Variants in KLHL3 observed in about 807,000 individuals in gnomAD.
KLHL3 encodes kelch-like protein 3.
A neutral mutation model predicts 70.5 loss-of-function variants in KLHL3; 19 were observed. That is an observed-to-expected ratio of 0.27 (90% CI 0.19 to 0.40). The LOEUF (loss-of-function observed/expected upper bound fraction) is 0.40, where lower values mean the gene tolerates loss of function less well. KLHL3 is among the 10% of genes least tolerant of loss of function. The probability of loss-of-function intolerance (pLI) is 1.00; values close to 1 mark genes in which losing one functional copy is unlikely to be tolerated. For missense variants in KLHL3, 512 were observed against 771.1 expected, an observed-to-expected ratio of 0.66 and a Z score of 3.98; for synonymous variants, 258 against 290.3, an observed-to-expected ratio of 0.89 and a Z score of 1.13.
intron 5 of KLHL3, among the ~76,000 whole-genome samples, chr5:137,678,202 A>G (rs929101886): frequency 1.3e-5 from 2 of 152,196 alleles, no homozygotes; most frequent in Non-Finnish European, 2.9e-5. Flanking sequence ...AGGAGGCCCA[A>G]CTAAGCATTC....
At chr5:137,660,518 G>GGTGGCAGTGGTATCACCC (rs1751447157) in intron 7 of KLHL3, among the ~76,000 whole-genome samples, 1 of 152,172 alleles carries the variant, frequency 6.6e-6, no homozygotes, top group Non-Finnish European at 1.5e-5. Context: ...GCTGCCACCA[G>GGTGGCAGTGGTATCACCC]GTGGCAGTGG....
intron 2 of KLHL3, among the ~76,000 whole-genome samples, chr5:137,719,018 G>A (rs746791221): frequency 5.9e-5 from 9 of 152,172 alleles, no homozygotes; most frequent in Non-Finnish European, 8.8e-5. Flanking sequence ...CATTTTCTCT[G>A]CCTGGAAGGC....
Position 137,627,474 on chromosome 5 carries a change from A to ACCCCCCCCCCCCCCCCCC in KLHL3, c.1591+822_1591+823insGGGGGGGGGGGGGGGGGG, listed in dbSNP as rs1215063936. On this transcript the variant is annotated intron_variant, in intron 13 of 14. Coordinates refer to ENST00000309755, the MANE Select transcript of KLHL3 (RefSeq NM_017415.3). Reference sequence around the variant, plus strand: ...GGCAATGAGTAAATTAGTAAATATCACCACCCCCCCCCCCGGTTTACACTT... The same window carrying ACCCCCCCCCCCCCCCCCC: ...GGCAATGAGTAAATTAGTAAATATCACCCCCCCCCCCCCCCCCCCCACCCCCCCCCCCGGTTTACACTT... 9.4e-5 allele frequency among the ~76,000 whole-genome samples: 5 copies of ACCCCCCCCCCCCCCCCCC among 53,106 alleles called. 2 individuals carry two copies. The highest frequency in any genetic ancestry group is 1.3e-4 in the Non-Finnish European group (3 of 22,954). 34.8% of individuals were successfully genotyped at this position (53,106 alleles called of 152,430 possible).
chr5:137,683,342 G>A (rs1362871783), intron 5 of KLHL3, among the ~76,000 whole-genome samples: 1 of 152,138 alleles, frequency 6.6e-6, no homozygotes, highest in Non-Finnish European at 1.5e-5. Flanking sequence ...CCTCTGAACT[G>A]AACCACAGGT....
At chr5:137,679,309 A>G (rs1751966438) in intron 5 of KLHL3, among the ~76,000 whole-genome samples, 1 of 152,048 alleles carries the variant, frequency 6.6e-6, no homozygotes, top group Non-Finnish European at 1.5e-5. Context: ...CACACAAGCC[A>G]CCACACCATG....
chr5:137,677,358 G>A (rs1450060939), intron 6 of KLHL3, 187 bp downstream of exon 6: 4 of 448,048 alleles, frequency 8.9e-6, no homozygotes, highest in African/African-American at 6.1e-5. Context: ...TGAGGCAGGG[G>A]AATCACTTGA....
chr5:137,726,722 G>A (rs999656571), intron 1 of KLHL3, among the ~76,000 whole-genome samples: 2 of 151,982 alleles, frequency 1.3e-5, no homozygotes, highest in Non-Finnish European at 1.5e-5. Flanking sequence ...AGCTTAGCCT[G>A]CCCAGCATGA....
At position 137,639,355 on chromosome 5, in the gene KLHL3, G is replaced by A. The variant is rs1750852439; in HGVS notation, c.1022-205C>T. 6.6e-6 allele frequency among the ~76,000 whole-genome samples: 1 copy of A among 152,098 alleles called. No homozygotes were observed. The highest frequency in any genetic ancestry group is 6.5e-5 in the Admixed American group (1 of 15,278). On this transcript the variant is annotated intron_variant, in intron 9 of 14. Coordinates refer to ENST00000309755, the MANE Select transcript of KLHL3 (RefSeq NM_017415.3). The surrounding 1 kb of genome is among the most constrained non-coding windows in gnomAD (Gnocchi z 5.0). The stretch of plus-strand genomic sequence containing the variant: ...CTGATTCAAGTAAATATTTGAATCA[G>A]CTTTAACTCCCCAAGCTCATAAGAA...
intron 6 of KLHL3, 47 bp downstream of exon 6, chr5:137,677,498 C>T (rs200335454): frequency 1.8e-6 from 2 of 1,094,090 alleles, no homozygotes; most frequent in African/African-American, 3.2e-5. Flanking sequence ...CTTCCCATGA[C>T]CACCTGACGA....
At chr5:137,682,043 T>G (rs2149910193) in intron 5 of KLHL3, among the ~76,000 whole-genome samples, 1 of 152,198 alleles carries the variant, frequency 6.6e-6, no homozygotes, top group South Asian at 2.1e-4. Context: ...TCTCTGGGGG[T>G]ACAGTTGGGT....
intron 8 of KLHL3, among the ~76,000 whole-genome samples, chr5:137,653,532 C>A (rs145384924): frequency 4.6e-4 from 70 of 152,216 alleles, no homozygotes; most frequent in African/African-American, 1.5e-3. Context: ...TAGAGAGATG[C>A]ATATTAAAAC....
chr5:137,720,921 A>C (rs1382283276), intron 1 of KLHL3: 1 of 1,060,774 alleles, frequency 9.4e-7, no homozygotes, highest in Non-Finnish European at 1.1e-6. Context: ...TCATTAAACA[A>C]GCATTTACTG....
intron 3 of KLHL3, among the ~76,000 whole-genome samples, chr5:137,702,763 G>C (rs552190013): frequency 2.6e-5 from 4 of 152,314 alleles, no homozygotes; most frequent in Non-Finnish European, 5.9e-5. Flanking sequence ...GCCTGACTGT[G>C]TCTTGAACTT....
chr5:137,662,846 T>C (rs1168631325), intron 6 of KLHL3, among the ~76,000 whole-genome samples: 1 of 152,186 alleles, frequency 6.6e-6, no homozygotes, highest in African/African-American at 2.4e-5. Context: ...ATGTGCATTC[T>C]CGTTGACTTT....
Position 137,735,373 on chromosome 5 carries a change from T to C in KLHL3, c.14+260A>G, listed in dbSNP as rs1753244621. Among the ~76,000 whole-genome samples, 6 of 152,200 alleles carry C rather than the reference T, an allele frequency of 3.9e-5. No individual in the cohort carries two copies. In the South Asian group the frequency reaches 1.2e-3, roughly 32 times the overall value. ...CTATTCCCGAACACCAGCCAGGAAG[T>C]CCCTTCTTTCAGGGTGCTCCGCTGC... On this transcript the variant is annotated intron_variant, in intron 1 of 14. Transcript: ENST00000309755.
intron 6 of KLHL3, among the ~76,000 whole-genome samples, chr5:137,669,458 T>C (rs1041806511): frequency 1.3e-5 from 2 of 149,894 alleles, no homozygotes; most frequent in African/African-American, 4.9e-5. Flanking sequence ...CTGCCAGATA[T>C]CTGACTTCAG....
At chr5:137,713,808 G>C (rs187303218) in intron 2 of KLHL3, among the ~76,000 whole-genome samples, 1 of 152,288 alleles carries the variant, frequency 6.6e-6, no homozygotes, top group Non-Finnish European at 1.5e-5. Context: ...TCTAGAATAT[G>C]TGAAGAACTC....
chr5:137,721,208 T>C (rs1428394405), intron 1 of KLHL3: 1 of 152,514 alleles, frequency 6.6e-6, no homozygotes, highest in Non-Finnish European at 1.5e-5. Context: ...AAGAAGAGTA[T>C]TCCAGGCAGA....
chr5:137,645,293 A>C (rs1388873709), intron 8 of KLHL3, among the ~76,000 whole-genome samples: 1 of 152,220 alleles, frequency 6.6e-6, no homozygotes, highest in Non-Finnish European at 1.5e-5. Flanking sequence ...TATCCAACAT[A>C]GTACTGGAAG....
Sources: allele counts gnomAD v4.1 joint callset (sites outside exome capture counted in the v4.1 genomes callset), GRCh38; gene constraint gnomAD v4.1.1; non-coding constraint Gnocchi (gnomAD v3.1); transcripts MANE v1.5; gene names NCBI Gene and HGNC (gene_info 2026-07-23, HGNC 2026-07-21).